The following TAFA2 variants were observed in gnomAD, a reference collection of about 807,000 sequenced individuals.
TAFA2 encodes TAFA chemokine like family member 2.
TAFA2 carries 7 observed loss-of-function variants against 18.8 expected under a neutral mutation model. The observed-to-expected ratio is 0.37, with a 90% CI of 0.21 to 0.70. TAFA2 has a LOEUF of 0.70. TAFA2 is among the 30% of genes least tolerant of loss of function. The pLI is 0.53. For synonymous variants in TAFA2, 60 were observed against 54.2 expected (o/e 1.11, Z -0.47); for missense variants, 122 against 158.1 (o/e 0.77, Z 1.23).
intron 1 of TAFA2, among the ~76,000 whole-genome samples, chr12:61,935,161 G>A (rs1877713502): frequency 1.3e-5 from 2 of 152,194 alleles, no homozygotes; most frequent in African/African-American, 2.4e-5. Context: ...TTAATTCTAT[G>A]ATGGTATATT....
chr12:62,229,130 G>A (rs968972634), intron 1 of TAFA2, among the ~76,000 whole-genome samples: 6 of 151,732 alleles, frequency 4.0e-5, no homozygotes, highest in Non-Finnish European at 5.9e-5. Flanking sequence ...TAGGTTTTTC[G>A]AAATATACTA....
Position 61,872,067 on chromosome 12 carries a change from A to T in TAFA2, c.-1-4641T>A, listed in dbSNP as rs1001265543. Among the ~76,000 whole-genome samples, 4 of 54,206 alleles carry T rather than the reference A, an allele frequency of 7.4e-5. No individual in the cohort carries two copies. In the South Asian group the frequency reaches 2.4e-3, roughly 32 times the overall value. 35.6% of individuals were successfully genotyped at this position (54,206 alleles called of 152,430 possible). ...ATACTGCGCCACCGCACTCCATTTA[A>T]TTGTTAAAAGCAAGAAATAAAAAAC... On this transcript the variant is annotated intron_variant, in intron 1 of 4. Transcript: ENST00000416284.
chr12:62,168,634 A>G (rs1217447569), intron 1 of TAFA2, among the ~76,000 whole-genome samples: 2 of 152,152 alleles, frequency 1.3e-5, no homozygotes, highest in Non-Finnish European at 1.5e-5. Context: ...CAGGCGTTTG[A>G]GACCAGTCTG....
chr12:62,242,974 C>T (rs1249198491), intron 1 of TAFA2, among the ~76,000 whole-genome samples: 1 of 152,154 alleles, frequency 6.6e-6, no homozygotes, highest in Non-Finnish European at 1.5e-5. Context: ...TTCATTTAAA[C>T]ATCCTTTGAA....
At chr12:61,990,337 A>ATT (rs71083969) in intron 1 of TAFA2, among the ~76,000 whole-genome samples, 1,768 of 108,164 alleles carry the variant, frequency 0.016, 81 homozygotes, top group Admixed American at 0.02. Flanking sequence ...CACTGTGCCA[A>ATT]TTTTTTTTTT....
At chr12:61,734,109 T>C (rs1477967397) in intron 4 of TAFA2, among the ~76,000 whole-genome samples, 1 of 150,850 alleles carries the variant, frequency 6.6e-6, no homozygotes, top group Non-Finnish European at 1.5e-5. Context: ...CTTGTGATTT[T>C]TGTACATTGA....
chr12:61,890,209 G>T (rs984872229), intron 1 of TAFA2: 6 of 152,346 alleles, frequency 3.9e-5, no homozygotes, highest in African/African-American at 9.6e-5. Context: ...CCAGAGATAA[G>T]GTCACTTTGT....
intron 1 of TAFA2, among the ~76,000 whole-genome samples, chr12:62,006,571 T>C (rs1172086921): frequency 6.6e-6 from 1 of 152,194 alleles, no homozygotes; most frequent in Non-Finnish European, 1.5e-5. Context: ...TTTGCTTTAC[T>C]ACTAACTAAA....
In TAFA2 at chr12:62,019,745, A is replaced by C. The variant is rs1388755098; in HGVS notation, c.-1-152319T>G. Among the ~76,000 whole-genome samples the C allele has an allele frequency of 5.3e-5, 8 of 152,018 alleles. No homozygotes were observed. In the South Asian group the frequency reaches 1.7e-3, roughly 32 times the overall value. ...AATGACGAGTTAATGGGTGCAGCAC[A>C]CCAACATGGCACATGTATACATATG... On this transcript the variant is annotated intron_variant, in intron 1 of 4. Transcript: ENST00000416284.
intron 1 of TAFA2, among the ~76,000 whole-genome samples, chr12:61,874,086 A>G (rs1874737933): frequency 6.6e-6 from 1 of 152,174 alleles, no homozygotes; most frequent in Non-Finnish European, 1.5e-5. Flanking sequence ...GTATTATCAC[A>G]TGATGGCATT....
intron 2 of TAFA2, among the ~76,000 whole-genome samples, chr12:61,761,749 A>G (rs147986674): frequency 4.9e-4 from 75 of 152,218 alleles, no homozygotes; most frequent in African/African-American, 1.8e-3. Flanking sequence ...ATAAGAATCC[A>G]GATAACTTAC....
chr12:61,792,555 T>C (rs2120931059), intron 2 of TAFA2, among the ~76,000 whole-genome samples: 1 of 151,642 alleles, frequency 6.6e-6, no homozygotes, highest in African/African-American at 2.4e-5. Flanking sequence ...AGAAATTAAC[T>C]ATAAATATGA....
At chr12:62,090,108 A>G (rs941578628) in intron 1 of TAFA2, among the ~76,000 whole-genome samples, 1 of 151,996 alleles carries the variant, frequency 6.6e-6, no homozygotes, top group Non-Finnish European at 1.5e-5. Context: ...TTTACCTAAC[A>G]TTAGTCTCCC....
intron 2 of TAFA2, among the ~76,000 whole-genome samples, chr12:61,816,009 G>A (rs1431137077): frequency 2.0e-5 from 3 of 151,368 alleles, no homozygotes; most frequent in Admixed American, 1.3e-4. Context: ...GGGTCTCAGA[G>A]CTATTTTATT....
rs548866897 is a variant in TAFA2 at position 62,123,400 on chromosome 12, TA to T, written c.-2+67858del. Among the ~76,000 whole-genome samples, 439 of 141,496 alleles carry T rather than the reference TA, an allele frequency of 3.1e-3. 10 individuals carry two copies. The East Asian group carries it at 0.064, about 21-fold the overall frequency. The allele number at this position is 141,496 out of a possible 152,430, so 92.8% of individuals were successfully genotyped here. A position where few individuals can be genotyped will look rare whatever the true frequency, so the allele number is the denominator to read the frequency against. ...TAAGGTAATAGACTGAAGAAGGGAA[TA>T]AAAAAAAAAGCTTTCACTGGGAAAT... On this transcript the variant is annotated intron_variant, in intron 1 of 4. Coordinates refer to ENST00000416284, the MANE Select transcript of TAFA2 (RefSeq NM_178539.5).
rs533847103 is a variant in TAFA2, at chr12:62,222,607, T to C, written c.-130+36156A>G. Among the ~76,000 whole-genome samples the C allele has an allele frequency of 4.3e-4, 65 of 151,836 alleles. No homozygotes were observed. The South Asian group carries it at 0.013, about 30-fold the overall frequency. On this transcript the variant is annotated intron_variant, in intron 1 of 5. Transcript: ENST00000551619. ...AGTGCAAGCTCCACCTCCCGGGTCA[T>C]GCCATTCTCCTGCCTCAGTCTCACG... is the stretch of plus-strand genomic sequence containing the variant.
intron 1 of TAFA2, among the ~76,000 whole-genome samples, chr12:62,043,427 C>G (rs904257907): frequency 6.7e-6 from 1 of 150,304 alleles, no homozygotes; most frequent in South Asian, 2.1e-4. Context: ...AACACATGGA[C>G]ACAGGAAGGG....
At chr12:62,223,273 G>A (rs1245066452) in intron 1 of TAFA2, among the ~76,000 whole-genome samples, 1 of 152,080 alleles carries the variant, frequency 6.6e-6, no homozygotes, top group Non-Finnish European at 1.5e-5. Flanking sequence ...CTACTTCTTG[G>A]GCTCAAATGA....
intron 1 of TAFA2, among the ~76,000 whole-genome samples, chr12:61,868,259 T>C (rs954045893): frequency 6.6e-6 from 1 of 152,142 alleles, no homozygotes; most frequent in African/African-American, 2.4e-5. Flanking sequence ...ATGAGGAAAT[T>C]TGGATATTTG....
Sources: gnomAD v4.1 joint callset for allele counts (sites outside exome capture counted in the v4.1 genomes callset) on GRCh38, gnomAD v4.1.1 for gene constraint, MANE v1.5 for transcripts, NCBI Gene and HGNC (gene_info 2026-07-23, HGNC 2026-07-21) for gene names.